Variants in MARK3 observed in about 807,000 individuals in gnomAD.
MARK3 encodes the protein MAP/microtubule affinity-regulating kinase 3.
MARK3 carries 46 observed loss-of-function variants against 90.1 expected under a neutral mutation model. The observed-to-expected ratio is 0.51, with a 90% CI of 0.40 to 0.65. The LOEUF is 0.65. MARK3 is among the 30% of genes least tolerant of loss of function. MARK3 has a pLI of 0.00. For missense variants in MARK3, 818 were observed against 947.2 expected (o/e 0.86, Z 1.79); for synonymous variants, 321 against 332.6 (o/e 0.97, Z 0.38).
chr14:103,450,875 AGTGTGTGTGTGTGTGTGTGTGTGT>A (rs61183226), intron 4 of MARK3, among the ~76,000 whole-genome samples: 36 of 114,878 alleles, frequency 3.1e-4, no homozygotes, highest in East Asian at 7.4e-4. Flanking sequence ...TCATTTTTAA[AGTGTGTGTGTGTGTGTGTGTGTGT>A]GTGTGTGTGT....
intron 2 of MARK3, chr14:103,412,130 G>A (rs1296269465): frequency 1.3e-5 from 17 of 1,295,140 alleles, no homozygotes; most frequent in Middle Eastern, 2.0e-4. Context: ...TAATATAGGC[G>A]CTGGGGCTTG....
chr14:103,456,562 GTC>G (rs1481141605), intron 5 of MARK3, among the ~76,000 whole-genome samples: 1 of 152,190 alleles, frequency 6.6e-6, no homozygotes, highest in Non-Finnish European at 1.5e-5. Context: ...TCACTTGTCT[GTC>G]TCTCCTACTT....
intron 1 of MARK3, among the ~76,000 whole-genome samples, chr14:103,398,202 G>A (rs1009625577): frequency 2.2e-4 from 33 of 152,308 alleles, no homozygotes; most frequent in African/African-American, 7.7e-4. Flanking sequence ...ATGGAGCAAT[G>A]TAAGAGTTTC....
rs187288668 is a variant in MARK3, at chr14:103,484,905, G to A, written c.1586+4415G>A. On this transcript the variant is annotated intron_variant, in intron 14 of 17. Transcript: ENST00000429436. ...CACTGCACTCCAGCCTGGCAACAGA[G>A]CAAGACTCTGTCTCAAAAACAAAAA... Among the ~76,000 whole-genome samples the A allele has an allele frequency of 9.6e-4, 146 of 151,356 alleles. 2 individuals are homozygous for A. Among genetic ancestry groups the A allele is most frequent in the African/African-American group, 3.4e-3 (140 of 41,208 alleles).
Position 103,503,392 on chromosome 14 carries a change from A to G in MARK3, c.*165A>G. ...GGGAGCGAAAGCTGGCCTTTTTTCT[A>G]CGAATGCACTACATTAAAGATGTGC... On this transcript the variant is annotated 3_prime_UTR_variant, in exon 18 of 18. Transcript: ENST00000429436. The G allele has an allele frequency of 3.1e-6, 2 of 653,448 alleles. No individual in the cohort carries two copies. Among genetic ancestry groups the G allele is most frequent in the Admixed American group, 3.0e-5 (1 of 33,144 alleles). The allele number at this position is 653,448 out of a possible 1,614,324, so 40.5% of individuals were successfully genotyped here. A position where few individuals can be genotyped will look rare whatever the true frequency, so the allele number is the denominator to read the frequency against.
At chr14:103,434,741 G>C (rs2092674488) in intron 3 of MARK3, among the ~76,000 whole-genome samples, 1 of 152,166 alleles carries the variant, frequency 6.6e-6, no homozygotes, top group South Asian at 2.1e-4. Flanking sequence ...AGATATTAAA[G>C]AAAACTAGAA....
chr14:103,489,639 CTG>C (rs973356031), intron 14 of MARK3: 3 of 152,176 alleles, frequency 2.0e-5, no homozygotes, highest in African/African-American at 7.2e-5. Flanking sequence ...TGTCGTTAGT[CTG>C]TGTATGGGGA....
chr14:103,426,190 G>A (rs1432541322), intron 2 of MARK3, among the ~76,000 whole-genome samples: 1 of 151,864 alleles, frequency 6.6e-6, no homozygotes, highest in Non-Finnish European at 1.5e-5. Context: ...GAATGTAGAA[G>A]CTTGTATGAA....
chr14:103,487,210 C>T (rs1395507959), intron 14 of MARK3, among the ~76,000 whole-genome samples: 3 of 151,602 alleles, frequency 2.0e-5, no homozygotes, highest in African/African-American at 7.2e-5. Context: ...GGCCACCACG[C>T]CCAGCCTCAA....
rs553890203 is a variant in MARK3, at chr14:103,446,470, C to T, written c.298-2449C>T. Among the ~76,000 whole-genome samples, 3 of 152,026 alleles carry T rather than the reference C, an allele frequency of 2.0e-5. No homozygotes were observed. In the South Asian group the frequency reaches 6.3e-4, roughly 32 times the overall value. Reference sequence around the variant, plus strand: ...CTGGGAGGCGGAGGTTGCAGTGAGCCGATATTGTGCCACTGCATTCCAGCC... The same window carrying T: ...CTGGGAGGCGGAGGTTGCAGTGAGCTGATATTGTGCCACTGCATTCCAGCC... On this transcript the variant is annotated intron_variant, in intron 3 of 17. Transcript: ENST00000429436.
intron 1 of MARK3, among the ~76,000 whole-genome samples, chr14:103,402,157 T>C (rs1435088941): frequency 1.3e-5 from 2 of 152,192 alleles, no homozygotes; most frequent in Non-Finnish European, 2.9e-5. Flanking sequence ...CCTGTCCTTG[T>C]GAAGGTTACA....
chr14:103,487,573 G>T (rs2093951806), intron 14 of MARK3, among the ~76,000 whole-genome samples: 1 of 151,924 alleles, frequency 6.6e-6, no homozygotes, highest in South Asian at 2.1e-4. Context: ...ATTCACCAGG[G>T]AAAGGGTCAA....
chr14:103,435,926 T>A (rs2092705327), intron 3 of MARK3, among the ~76,000 whole-genome samples: 1 of 152,038 alleles, frequency 6.6e-6, no homozygotes, highest in African/African-American at 2.4e-5. Context: ...AGTCTCCCTC[T>A]GTTGGCCAGC....
chr14:103,501,727 G>A (rs1352857478), intron 17 of MARK3, among the ~76,000 whole-genome samples: 1 of 151,826 alleles, frequency 6.6e-6, no homozygotes, highest in East Asian at 1.9e-4. Context: ...AGCCTTTCCT[G>A]TGCTGCCACT....
chr14:103,478,151 C>T (rs1417728371), intron 13 of MARK3, among the ~76,000 whole-genome samples: 3 of 151,920 alleles, frequency 2.0e-5, no homozygotes, highest in African/African-American at 7.3e-5. Context: ...AAAAATTAGC[C>T]AGGCATGGTG....
At chr14:103,446,248 C>T (rs2092991460) in intron 3 of MARK3, among the ~76,000 whole-genome samples, 1 of 152,170 alleles carries the variant, frequency 6.6e-6, no homozygotes, top group Admixed American at 6.5e-5. Flanking sequence ...GTTCTGTGGC[C>T]AGGCGCGGTG....
Position 103,468,327 on chromosome 14 carries a change from T to C in MARK3, c.1264+141T>C, listed in dbSNP as rs919301289. The C allele has an allele frequency of 3.2e-5, 21 of 651,818 alleles. 1 individual carries two copies. Among genetic ancestry groups the C allele is most frequent in the African/African-American group, 1.1e-4 (5 of 45,856 alleles). 40.4% of individuals were successfully genotyped at this position (651,818 alleles called of 1,614,324 possible). On this transcript the variant is annotated intron_variant, in intron 12 of 17. Coordinates refer to ENST00000429436, the MANE Select transcript of MARK3 (RefSeq NM_001128918.3). ...TCTTTCTTTCTTCTTTTTTTTTTTT[T>C]TTTTTTTTTTTTTTTGAGACAGAGT...
chr14:103,456,872 A>T (rs1262454414), intron 5 of MARK3, among the ~76,000 whole-genome samples: 1 of 152,244 alleles, frequency 6.6e-6, no homozygotes, highest in Non-Finnish European at 1.5e-5. Flanking sequence ...AGTTTTTATT[A>T]AAGCCTATTG....
chr14:103,416,758 G>A (rs1210006017), intron 2 of MARK3, among the ~76,000 whole-genome samples: 3 of 152,064 alleles, frequency 2.0e-5, no homozygotes, highest in Admixed American at 2.0e-4. Context: ...GGCAACAAGA[G>A]CAAAACTCTG....
Sources: gnomAD v4.1 joint callset for allele counts (sites outside exome capture counted in the v4.1 genomes callset) on GRCh38, gnomAD v4.1.1 for gene constraint, MANE v1.5 for transcripts, NCBI Gene and HGNC (gene_info 2026-07-23, HGNC 2026-07-21) for gene names.